The following DLG1 variants were observed in gnomAD, a reference collection of about 807,000 sequenced individuals.
DLG1 encodes discs large MAGUK scaffold protein 1, also known as disks large homolog 1.
In DLG1, 42 loss-of-function variants were observed where a neutral mutation model predicts 123.4. The ratio of observed to expected loss-of-function variants is 0.34; its 90% CI spans 0.27 to 0.44. DLG1 has a LOEUF of 0.44. Ranked by LOEUF, DLG1 falls within the 20% of genes least tolerant of loss-of-function variation. The pLI is 1.00. For missense variants in DLG1, 942 were observed against 1,082.6 expected (o/e 0.87, Z 1.82); for synonymous variants, 317 against 356.2 (o/e 0.89, Z 1.24).
chr3:197,208,056 C>G lies in DLG1; in HGVS notation c.319-13467G>C, dbSNP rs142807944. On this transcript the variant is annotated intron_variant, in intron 4 of 24. Coordinates refer to ENST00000667157, the MANE Select transcript of DLG1 (RefSeq NM_001366207.1). ...CTTCTTAGTCCCTAAGAAAAAGATA[C>G]AAAACCCTCCAGCCCTCTCTCTAAT... 2.6e-4 allele frequency among the ~76,000 whole-genome samples: 38 copies of G among 144,870 alleles called. 2 individuals carry two copies. The East Asian group carries it at 6.9e-3, about 26-fold the overall frequency.
intron 4 of DLG1, among the ~76,000 whole-genome samples, chr3:197,206,434 G>C (rs1352011059): frequency 6.6e-6 from 1 of 152,076 alleles, no homozygotes; most frequent in Non-Finnish European, 1.5e-5. Context: ...CAAGTAGCTG[G>C]GACCACAGGC....
rs139944148 is a variant in DLG1, at chr3:197,293,610, G to A, written c.151+2736C>T. ...AATCTATGTATCAACTACAGGGGGGGACACCAAACCCCTAGAGACTCAAAC... is the reference window on the plus strand; with the variant it reads ...AATCTATGTATCAACTACAGGGGGGAACACCAAACCCCTAGAGACTCAAAC... On this transcript the variant is annotated intron_variant, in intron 3 of 24. Transcript: ENST00000667157. Among the ~76,000 whole-genome samples, 42 of 128,166 alleles carry A rather than the reference G, an allele frequency of 3.3e-4. 1 individual carries two copies. In the East Asian group the frequency reaches 8.6e-3, roughly 26 times the overall value. 84.1% of individuals were successfully genotyped at this position (128,166 alleles called of 152,430 possible). A position where few individuals can be genotyped will look rare whatever the true frequency, so the allele number is the denominator to read the frequency against.
Position 197,194,555 on chromosome 3 carries a change from T to C in DLG1, c.353A>G (p.Gln118Arg). Residue 118 changes from glutamine (Q) to arginine (R), a missense_variant, in exon 5 of 25, where the codon CAA becomes CGA. Physicochemically the swap from Gln to Arg is conservative, Grantham distance 43. Coordinates refer to ENST00000667157, the MANE Select transcript of DLG1 (RefSeq NM_001366207.1). ...TGTGATTTGTGGGGAAATATGCTCT[T>C]GAGGAGGTGTATCTTCATCCTGATA... The part of the protein sequence containing the change: ...YRYQDEDTPP[Q>R]EHISPQITNE... The C allele has an allele frequency of 2.5e-6, 4 of 1,604,920 alleles. No homozygotes were observed. The highest frequency in any genetic ancestry group is 1.7e-6 in the Non-Finnish European group (2 of 1,176,670).
At chr3:197,251,976 G>C (rs1268442656) in intron 4 of DLG1, among the ~76,000 whole-genome samples, 1 of 152,172 alleles carries the variant, frequency 6.6e-6, no homozygotes, top group Non-Finnish European at 1.5e-5. Flanking sequence ...TAATTTTTAT[G>C]AAACAGTAAA....
At chr3:197,082,392 T>A (rs940424229) in intron 16 of DLG1, among the ~76,000 whole-genome samples, 1 of 151,692 alleles carries the variant, frequency 6.6e-6, no homozygotes, top group African/African-American at 2.4e-5. Context: ...AAAAAAAAAA[T>A]TAAAACTCAT....
intron 1 of DLG1, chr3:197,297,944 G>C: frequency 3.1e-6 from 3 of 982,532 alleles, no homozygotes; most frequent in Non-Finnish European, 3.6e-6. Flanking sequence ...GGACGGGGGA[G>C]GAGCTCCCCT....
At chr3:197,251,464 GA>G (rs1240674417) in intron 4 of DLG1, among the ~76,000 whole-genome samples, 2 of 152,040 alleles carry the variant, frequency 1.3e-5, no homozygotes, top group Non-Finnish European at 2.9e-5. Flanking sequence ...AAAGAAAAAA[GA>G]ATCCAGGTAT....
chr3:197,210,123 C>G (rs892354938), intron 4 of DLG1, among the ~76,000 whole-genome samples: 1 of 145,620 alleles, frequency 6.9e-6, no homozygotes, highest in Non-Finnish European at 1.5e-5. Flanking sequence ...ATTACTGAAC[C>G]TGAGGGTTCT....
At chr3:197,149,643 A>G in intron 6 of DLG1, 100 bp downstream of exon 6, 1 of 796,018 alleles carries the variant, frequency 1.3e-6, no homozygotes, top group Non-Finnish European at 2.3e-6. Context: ...TCTTAAGAGA[A>G]ATGTATTAGA....
At chr3:197,055,827 A>G (rs1206128232) in intron 23 of DLG1, among the ~76,000 whole-genome samples, 1 of 152,198 alleles carries the variant, frequency 6.6e-6, no homozygotes, top group Non-Finnish European at 1.5e-5. Flanking sequence ...TTCAGCCTCA[A>G]GTGGAGGGGC....
intron 4 of DLG1, among the ~76,000 whole-genome samples, chr3:197,259,425 T>C (rs1334101728): frequency 2.0e-5 from 3 of 152,240 alleles, no homozygotes; most frequent in African/African-American, 7.2e-5. Flanking sequence ...TAATTCATTA[T>C]ACAGAAAGAG....
At chr3:197,116,229 G>A in intron 12 of DLG1, 146 bp from the exon 13 acceptor site, 2 of 605,898 alleles carry the variant, frequency 3.3e-6, no homozygotes, top group South Asian at 3.3e-5. Flanking sequence ...AAAACTACGA[G>A]ATAAAGAGAT....
At chr3:197,289,272 G>C (rs183247784) in intron 3 of DLG1, among the ~76,000 whole-genome samples, 1 of 152,048 alleles carries the variant, frequency 6.6e-6, no homozygotes, top group African/African-American at 2.4e-5. Flanking sequence ...TCTCACAAGG[G>C]AAATAACTGT....
chr3:197,072,114 A>C (rs1744309060), intron 18 of DLG1, among the ~76,000 whole-genome samples: 1 of 152,146 alleles, frequency 6.6e-6, no homozygotes, highest in African/African-American at 2.4e-5. Flanking sequence ...ATGATTTTTG[A>C]TGGTTATGTA....
At chr3:197,107,881 C>G (rs1002373709) in intron 13 of DLG1, among the ~76,000 whole-genome samples, 11 of 151,566 alleles carry the variant, frequency 7.3e-5, no homozygotes, top group African/African-American at 2.7e-4. Context: ...AGCAGATACC[C>G]TTGTCTTGTT....
At chr3:197,066,025 T>C (rs987617406) in intron 20 of DLG1, among the ~76,000 whole-genome samples, 26 of 152,242 alleles carry the variant, frequency 1.7e-4, no homozygotes, top group Admixed American at 1.7e-3. Context: ...GAAGTCATAT[T>C]GATAATTCAA....
chr3:197,257,915 T>G (rs1450418461), intron 4 of DLG1, among the ~76,000 whole-genome samples: 4 of 152,204 alleles, frequency 2.6e-5, no homozygotes, highest in African/African-American at 9.6e-5. Flanking sequence ...TCTAACAATA[T>G]TAACTCCACC....
chr3:197,280,337 TTGTGTGTGTGTGTGTG>T (rs10575004), intron 4 of DLG1, among the ~76,000 whole-genome samples: 3 of 149,916 alleles, frequency 2.0e-5, no homozygotes, highest in Non-Finnish European at 3.0e-5. Flanking sequence ...GTAGTCCATT[TTGTGTGTGTGTGTGTG>T]TGTGTGTGTG....
At chr3:197,084,873 GCCT>G (rs1753381303) in intron 16 of DLG1, among the ~76,000 whole-genome samples, 1 of 151,042 alleles carries the variant, frequency 6.6e-6, no homozygotes, top group Non-Finnish European at 1.5e-5. Flanking sequence ...TGCAATTTCG[GCCT>G]CCTGAGTTCA....
Sources: allele counts gnomAD v4.1 joint callset (sites outside exome capture counted in the v4.1 genomes callset), GRCh38; gene constraint gnomAD v4.1.1; transcripts MANE v1.5; gene names NCBI Gene and HGNC (gene_info 2026-07-23, HGNC 2026-07-21).